SASH1: variants seen among roughly 807,000 people sequenced by gnomAD.
SASH1 encodes SAM and SH3 domain-containing protein 1.
A neutral mutation model predicts 125.2 loss-of-function variants in SASH1; 44 were observed. The observed-to-expected ratio is 0.35, with a 90% CI of 0.28 to 0.45. The LOEUF (loss-of-function observed/expected upper bound fraction) is 0.45. SASH1 is among the 20% of genes least tolerant of loss of function. SASH1 has a pLI of 1.00. For missense variants in SASH1, 1,426 were observed against 1,614.5 expected, an observed-to-expected ratio of 0.88 and a Z score of 2.00; for synonymous variants, 639 against 649.1, an observed-to-expected ratio of 0.98 and a Z score of 0.24.
intron 8 of SASH1, chr6:148,512,366 A>T: frequency 5.8e-6 from 3 of 518,046 alleles, no homozygotes; most frequent in Non-Finnish European, 7.4e-6. Flanking sequence ...TTTCTATAAC[A>T]TAATGTTGAT....
At chr6:148,308,144 C>T (rs1002172872) in intron 1 of SASH1, among the ~76,000 whole-genome samples, 1 of 152,116 alleles carries the variant, frequency 6.6e-6, no homozygotes, top group Non-Finnish European at 1.5e-5. Context: ...TCTTTCACTT[C>T]TTCTGTGGTG....
At chr6:148,358,009 G>T (rs2114692206) in intron 1 of SASH1, among the ~76,000 whole-genome samples, 1 of 138,364 alleles carries the variant, frequency 7.2e-6, no homozygotes, top group Middle Eastern at 4.5e-3. Flanking sequence ...GCAGTGAGCT[G>T]AGATTGCACC....
intron 2 of SASH1, among the ~76,000 whole-genome samples, chr6:148,396,478 GAAAAAAAAAAAAAAAAA>G (rs61277112): frequency 1.6e-5 from 1 of 63,790 alleles, no homozygotes; most frequent in African/African-American, 6.5e-5. Flanking sequence ...CTGCATCTCA[GAAAAAAAAAAAAAAAAA>G]AAAAAAAAGA....
At chr6:148,403,746 G>A (rs960352871) in intron 2 of SASH1, among the ~76,000 whole-genome samples, 5 of 151,934 alleles carry the variant, frequency 3.3e-5, no homozygotes, top group Admixed American at 2.6e-4. Flanking sequence ...TGGCCAGGCT[G>A]GTCTTGAACT....
In SASH1 at chr6:148,302,311, CAAAAAAAAA is replaced by C. The variant is rs1174644909; in HGVS notation, n.74+29956_74+29964del. Among the ~76,000 whole-genome samples, 87 of 44,886 alleles carry C rather than the reference CAAAAAAAAA, an allele frequency of 1.9e-3. 2 individuals carry two copies. Among genetic ancestry groups the C allele is most frequent in the Admixed American group, 4.0e-3 (10 of 2,480 alleles). 29.4% of individuals were successfully genotyped at this position (44,886 alleles called of 152,430 possible). On this transcript the variant is annotated intron_variant and non_coding_transcript_variant, in intron 1 of 3. Coordinates refer to the SASH1 transcript ENST00000367469. ...TGGGCGACAGAGCAAGACTCCGTCT[CAAAAAAAAA>C]AAAAAAAAAAAAAAAAAAAAACTAG...
the SASH1 span, among the ~76,000 whole-genome samples, chr6:148,196,406 C>T: frequency 1.3e-5 from 2 of 152,160 alleles, no homozygotes; most frequent in African/African-American, 2.4e-5. Context: ...TCAACAAGCA[C>T]GAACCATATA....
intron 12 of SASH1, among the ~76,000 whole-genome samples, chr6:148,530,609 A>G (rs890362231): frequency 6.6e-6 from 1 of 152,222 alleles, no homozygotes. Context: ...ACTCGGCAGC[A>G]TGCAAATAGC....
chr6:148,376,679 A>G (rs1485912175), intron 1 of SASH1, among the ~76,000 whole-genome samples: 1 of 151,776 alleles, frequency 6.6e-6, no homozygotes, highest in Non-Finnish European at 1.5e-5. Flanking sequence ...CTTGGGCAAC[A>G]TGGTGAAACT....
rs1027268576 is a variant in SASH1, at chr6:148,514,197, G to A, written c.730-127G>A. On this transcript the variant is annotated intron_variant, in intron 8 of 19. Coordinates refer to ENST00000367467, the MANE Select transcript of SASH1 (RefSeq NM_015278.5). ...TTGTAAACCTCTTGGGCAAATTTTT[G>A]TTGGTTCCCAAGTTCAGCAACAGAG... 4.1e-6 allele frequency: 6 copies of A among 1,466,458 alleles called. No individual in the cohort carries two copies. In the Admixed American group the frequency reaches 8.0e-5, roughly 20 times the overall value. The allele number at this position is 1,466,458 out of a possible 1,614,324, so 90.8% of individuals were successfully genotyped here.
rs181548958 is a variant in SASH1, at chr6:148,527,710, T to C, written c.1428+114T>C. ...ATACACATACTCCTTGGCATTAACC[T>C]GCTCCAAGTCCGTGCTTTATTTACG... On this transcript the variant is annotated intron_variant, in intron 12 of 19. Transcript: ENST00000367467. 5.9e-5 allele frequency: 60 copies of C among 1,013,350 alleles called. No individual in the cohort carries two copies. In the African/African-American group the frequency reaches 8.6e-4, roughly 15 times the overall value. 62.8% of individuals were successfully genotyped at this position (1,013,350 alleles called of 1,614,324 possible). A position where few individuals can be genotyped will look rare whatever the true frequency, so the allele number is the denominator to read the frequency against.
chr6:148,486,366 C>G lies in SASH1; in HGVS notation c.628-1248C>G, dbSNP rs529084188. ...GAACTCCTGACCTCAGGTGATCCAC[C>G]TCTCTTGGCCTCCCAAGGTTCTGGG... On this transcript the variant is annotated intron_variant, in intron 7 of 19. Transcript: ENST00000367467. Among the ~76,000 whole-genome samples, 66 of 152,320 alleles carry G rather than the reference C, an allele frequency of 4.3e-4. 1 individual carries two copies. Among genetic ancestry groups the G allele is most frequent in the African/African-American group, 1.4e-3 (59 of 41,574 alleles).
intron 1 of SASH1, among the ~76,000 whole-genome samples, chr6:148,375,104 C>T (rs143857589): frequency 6.6e-6 from 1 of 152,192 alleles, no homozygotes; most frequent in Non-Finnish European, 1.5e-5. Context: ...CATCCTCCCT[C>T]CTCAGCCTCC....
At chr6:148,488,965 T>G (rs1778989136) in intron 8 of SASH1, among the ~76,000 whole-genome samples, 2 of 152,240 alleles carry the variant, frequency 1.3e-5, no homozygotes, top group Admixed American at 1.3e-4. Flanking sequence ...GCACACACTT[T>G]TAAATTTTGA....
chr6:148,287,698 GGGGT>G (rs200984210), intron 1 of SASH1, among the ~76,000 whole-genome samples: 2 of 94,606 alleles, frequency 2.1e-5, no homozygotes, highest in East Asian at 3.5e-4. Context: ...TGTGTGTGGG[GGGGT>G]GGGGGGTGGT....
intron 1 of SASH1, among the ~76,000 whole-genome samples, chr6:148,350,363 A>T (rs1781686524): frequency 6.6e-6 from 1 of 152,212 alleles, no homozygotes; most frequent in Non-Finnish European, 1.5e-5. Flanking sequence ...CTGTCTCTCT[A>T]TACTGATAGA....
At chr6:148,226,221 A>T in the SASH1 span, among the ~76,000 whole-genome samples, 1 of 152,240 alleles carries the variant, frequency 6.6e-6, no homozygotes, top group South Asian at 2.1e-4. Context: ...GTCTTATTAC[A>T]TCATAAACAC....
intron 8 of SASH1, among the ~76,000 whole-genome samples, chr6:148,512,318 A>T (rs1389820949): frequency 6.6e-6 from 1 of 152,182 alleles, no homozygotes; most frequent in East Asian, 1.9e-4. Flanking sequence ...AGGATTAGAG[A>T]CATATTCTAG....
intron 1 of SASH1, among the ~76,000 whole-genome samples, chr6:148,307,578 G>A (rs1010728477): frequency 1.3e-5 from 2 of 152,082 alleles, no homozygotes; most frequent in Non-Finnish European, 2.9e-5. Context: ...GCATCTGATT[G>A]TATTTATTGT....
At chr6:148,438,468 CAA>C (rs1460983549) in intron 2 of SASH1, among the ~76,000 whole-genome samples, 2 of 152,182 alleles carry the variant, frequency 1.3e-5, no homozygotes, top group African/African-American at 4.8e-5. Flanking sequence ...AATGGTGTAT[CAA>C]GTTTGGTACA....
Sources: gnomAD v4.1 joint callset for allele counts (sites outside exome capture counted in the v4.1 genomes callset) on GRCh38, gnomAD v4.1.1 for gene constraint, MANE v1.5 for transcripts, NCBI Gene and HGNC (gene_info 2026-07-23, HGNC 2026-07-21) for gene names.